The following JPH2 variants were observed in gnomAD, a reference collection of about 807,000 sequenced individuals.
JPH2 encodes junctophilin 2, also known as junctophilin-2.
JPH2 carries 38 observed loss-of-function variants against 55.9 expected under a neutral mutation model. That is an observed-to-expected ratio of 0.68 (90% CI 0.52 to 0.89). JPH2 has a LOEUF of 0.89. Ranked by LOEUF, JPH2 falls within the 40% of genes least tolerant of loss-of-function variation. JPH2 has a pLI of 0.00. For missense variants in JPH2, 964 were observed against 1,037.6 expected (o/e 0.93, Z 0.97); for synonymous variants, 480 against 472.4 (o/e 1.02, Z -0.21).
chr20:44,160,082 C>T lies in JPH2; in HGVS notation c.705G>A (p.Ser235=), dbSNP rs2072597944. The change falls in exon 2 of 6, where the codon TCG becomes TCA. Residue 235 remains serine (S), a synonymous_variant. Transcript: ENST00000372980. This position sits in a 1 kb window ranked among gnomAD's most constrained non-coding sequence, Gnocchi z 4.9. ...TGCGCTGGCTACCCACGGACGTGCGCGACTCTGCGCGCCGCAGCTTGCCCA... is the reference window on the plus strand; with the variant it reads ...TGCGCTGGCTACCCACGGACGTGCGTGACTCTGCGCGCCGCAGCTTGCCCA... ...ALLGKLRRAE[S]RTSVGSQRSR... The T allele has an allele frequency of 2.0e-6, 3 of 1,533,190 alleles. No homozygotes were observed. The African/African-American group carries it at 4.1e-5, about 21-fold the overall frequency. The allele number at this position is 1,533,190 out of a possible 1,614,324, so 95.0% of individuals were successfully genotyped here. A position where few individuals can be genotyped will look rare whatever the true frequency, so the allele number is the denominator to read the frequency against.
intron 2 of JPH2, among the ~76,000 whole-genome samples, chr20:44,134,190 T>TTATTATAAATATATAAA (rs2072360593): frequency 7.7e-5 from 1 of 12,958 alleles, no homozygotes; most frequent in African/African-American, 3.1e-4. Flanking sequence ...ATATAAATAT[T>TTATTATAAATATATAAA]TATTATAAAT....
At chr20:44,164,222 A>G (rs559208213) in intron 1 of JPH2, among the ~76,000 whole-genome samples, 1 of 152,190 alleles carries the variant, frequency 6.6e-6, no homozygotes, top group South Asian at 2.1e-4. Flanking sequence ...GGGAAGTTGG[A>G]TAGATGGGAA....
Position 44,159,755 on chromosome 20 carries a change from G to C in JPH2, c.1032C>G (p.Asn344Lys). 6.2e-7 allele frequency: 1 copy of C among 1,613,682 alleles called. No individual in the cohort carries two copies. The highest frequency in any genetic ancestry group is 8.5e-7 in the Non-Finnish European group (1 of 1,179,964). Residue 344 changes from asparagine to lysine, a missense_variant, in exon 2 of 6, where the codon AAC (asparagine) becomes AAG (lysine). Transcript: ENST00000372980. The surrounding 1 kb of genome is among the most constrained non-coding windows in gnomAD (Gnocchi z 5.7). The stretch of plus-strand genomic sequence containing the variant: ...GGCGCTTGGTGTCCTTGACCAGCAC[G>C]TTGTGGCGGTACTTGCCCTCCTCGC... ...GHREEGKYRH[N>K]VLVKDTKRRM... is the part of the protein sequence containing the mutation.
intron 2 of JPH2, among the ~76,000 whole-genome samples, chr20:44,158,749 AG>A (rs1224433945): frequency 2.0e-5 from 3 of 151,728 alleles, no homozygotes; most frequent in Non-Finnish European, 2.9e-5. Flanking sequence ...TGAGTGATAG[AG>A]GTGGCTGGCT....
At chr20:44,124,309 C>G (rs546938651) in intron 2 of JPH2, among the ~76,000 whole-genome samples, 1 of 152,056 alleles carries the variant, frequency 6.6e-6, no homozygotes, top group Non-Finnish European at 1.5e-5. Context: ...GGACCCTCAC[C>G]GGACTTGCCC....
intron 1 of JPH2, among the ~76,000 whole-genome samples, chr20:44,185,868 T>C (rs2072834600): frequency 6.6e-6 from 1 of 151,206 alleles, no homozygotes; most frequent in Admixed American, 6.6e-5. Context: ...GATTGGTGTG[T>C]GGATAGATGA....
chr20:44,170,185 G>T (rs1200776494), intron 1 of JPH2, among the ~76,000 whole-genome samples: 1 of 152,132 alleles, frequency 6.6e-6, no homozygotes, highest in African/African-American at 2.4e-5. Context: ...TTCATGACCT[G>T]GTTCCAAGTC....
chr20:44,119,437 TG>T lies in JPH2; in HGVS notation c.1170-815del, dbSNP rs1337961383. 7.0e-4 allele frequency among the ~76,000 whole-genome samples: 106 copies of T among 152,346 alleles called. 1 individual carries two copies. Among genetic ancestry groups the T allele is most frequent in the Admixed American group, 4.7e-3 (72 of 15,298 alleles). ...ACAGATGTAGCTTTTCTCATTGTAG[TG>T]GGTACTTCTGGTGCCCTATGCAGAT... On this transcript the variant is annotated intron_variant, in intron 2 of 5. Coordinates refer to ENST00000372980, the MANE Select transcript of JPH2 (RefSeq NM_020433.5).
intron 4 of JPH2, 58 bp from the exon 5 acceptor site, chr20:44,114,934 C>A: frequency 7.3e-7 from 1 of 1,361,922 alleles, no homozygotes; most frequent in East Asian, 2.4e-5. Flanking sequence ...CACCCCCCAC[C>A]CAGGTCACAG....
At chr20:44,131,416 A>ACCG (rs59072988) in intron 2 of JPH2, among the ~76,000 whole-genome samples, 44,823 of 151,922 alleles carry the variant, frequency 0.3, 6,699 homozygotes, top group East Asian at 0.46. Flanking sequence ...GGACTCAGCT[A>ACCG]TACCCTGATA....
At chr20:44,177,941 G>A (rs200421367) in intron 1 of JPH2, 82 of 1,379,394 alleles carry the variant, frequency 5.9e-5, no homozygotes, top group East Asian at 1.6e-4. Context: ...TCATTGTCTC[G>A]ACCATATTCT....
chr20:44,134,114 AAT>A (rs1157806560), intron 2 of JPH2, among the ~76,000 whole-genome samples: 3 of 13,776 alleles, frequency 2.2e-4, no homozygotes, highest in Non-Finnish European at 3.5e-4. Context: ...TAAATATATA[AAT>A]AAATATTTAT....
At chr20:44,183,127 AACAG>A (rs2072800348) in intron 1 of JPH2, among the ~76,000 whole-genome samples, 1 of 152,182 alleles carries the variant, frequency 6.6e-6, no homozygotes, top group South Asian at 2.1e-4. Context: ...GAGGGATGGG[AACAG>A]ACATTCTACG....
At chr20:44,169,405 C>T (rs925123216) in intron 1 of JPH2, among the ~76,000 whole-genome samples, 3 of 152,250 alleles carry the variant, frequency 2.0e-5, no homozygotes, top group Non-Finnish European at 2.9e-5. Context: ...GTCTCGAACT[C>T]CTGACCTCAT....
At chr20:44,172,848 T>C (rs1371705725) in intron 1 of JPH2, among the ~76,000 whole-genome samples, 1 of 152,114 alleles carries the variant, frequency 6.6e-6, no homozygotes. Context: ...CACACAGCCA[T>C]AGACAACCTC....
chr20:44,159,980 G>T lies in JPH2; in HGVS notation c.807C>A (p.Ala269=). The T allele has an allele frequency of 6.3e-7, 1 of 1,590,964 alleles. No individual in the cohort carries two copies. The highest frequency in any genetic ancestry group is 8.5e-7 in the Non-Finnish European group (1 of 1,173,194). ...GTGCGGCCTCGTCGGCGCCCTCGGC[G>T]GCCTCTCCCAGGCTGGCGGTGGACG... ...DAASTASLGE[A]AEGADEAAPF... The change falls in exon 2 of 6, where the codon GCC becomes GCA. Residue 269 remains alanine, a synonymous_variant. Transcript: ENST00000372980. The surrounding 1 kb of genome is among the most constrained non-coding windows in gnomAD (Gnocchi z 5.7).
At chr20:44,134,382 A>ATTATAAATATAT (rs1188056822) in intron 2 of JPH2, among the ~76,000 whole-genome samples, 2 of 6,094 alleles carry the variant, frequency 3.3e-4, no homozygotes, top group Non-Finnish European at 5.1e-4. Context: ...AATATATATA[A>ATTATAAATATAT]ATAAATATAT....
At chr20:44,158,187 C>G (rs187026316) in intron 2 of JPH2, among the ~76,000 whole-genome samples, 5 of 152,186 alleles carry the variant, frequency 3.3e-5, no homozygotes, top group Non-Finnish European at 7.3e-5. Flanking sequence ...CGGCAGCTGC[C>G]GGTGGACCTC....
At chr20:44,158,839 G>T (rs945405956) in intron 2 of JPH2, among the ~76,000 whole-genome samples, 1 of 152,182 alleles carries the variant, frequency 6.6e-6, no homozygotes, top group Non-Finnish European at 1.5e-5. Flanking sequence ...TGGATAAATG[G>T]AAGTACTTGA....
Sources: gnomAD v4.1 joint callset for allele counts (sites outside exome capture counted in the v4.1 genomes callset) on GRCh38, gnomAD v4.1.1 for gene constraint, Gnocchi (gnomAD v3.1) non-coding constraint, MANE v1.5 for transcripts, NCBI Gene and HGNC (gene_info 2026-07-23, HGNC 2026-07-21) for gene names.